The following BMAL2 variants were observed in gnomAD, a reference collection of about 807,000 sequenced individuals.
BMAL2 encodes basic helix-loop-helix ARNT like 2.
the BMAL2 span, among the ~76,000 whole-genome samples, chr12:27,362,652 A>G: frequency 1.3e-5 from 2 of 152,190 alleles, no homozygotes; most frequent in Non-Finnish European, 2.9e-5. Flanking sequence ...ATATCTCTAT[A>G]CAAAAAAAAT....
chr12:27,338,140 T>A, the BMAL2 span, among the ~76,000 whole-genome samples: 2 of 152,204 alleles, frequency 1.3e-5, no homozygotes, highest in African/African-American at 4.8e-5. Flanking sequence ...AAGAATAGTT[T>A]GCTTAAGGTG....
the BMAL2 span, among the ~76,000 whole-genome samples, chr12:27,364,391 A>AC: frequency 6.6e-6 from 1 of 152,238 alleles, no homozygotes; most frequent in Admixed American, 6.5e-5. Context: ...CATCTTTTCC[A>AC]TAGAGAAAAC....
the BMAL2 span, among the ~76,000 whole-genome samples, chr12:27,338,854 C>T: frequency 6.6e-6 from 1 of 152,196 alleles, no homozygotes; most frequent in Admixed American, 6.5e-5. Context: ...ATTCCTGGTT[C>T]CTGCCAGATG....
the BMAL2 span, among the ~76,000 whole-genome samples, chr12:27,412,529 A>G: frequency 6.6e-6 from 1 of 152,164 alleles, no homozygotes. Flanking sequence ...AGTGATTTTA[A>G]AACATGAACA....
At chr12:27,404,618 G>A in the BMAL2 span, among the ~76,000 whole-genome samples, 19 of 152,184 alleles carry the variant, frequency 1.2e-4, no homozygotes, top group Middle Eastern at 3.4e-3. Flanking sequence ...AAAGCTTTTC[G>A]GGTGGAGCCA....
the BMAL2 span, among the ~76,000 whole-genome samples, chr12:27,395,177 G>C: frequency 6.6e-6 from 1 of 152,200 alleles, no homozygotes; most frequent in Admixed American, 6.5e-5. Context: ...ATAAATGTCG[G>C]TTAATTAAAT....
At chr12:27,340,269 G>A in the BMAL2 span, among the ~76,000 whole-genome samples, 2 of 152,046 alleles carry the variant, frequency 1.3e-5, no homozygotes, top group Admixed American at 6.6e-5. Flanking sequence ...TCTTGAGTTG[G>A]CTTTTGTATA....
the BMAL2 span, among the ~76,000 whole-genome samples, chr12:27,376,674 A>G: frequency 1.3e-5 from 2 of 152,144 alleles, no homozygotes; most frequent in Admixed American, 6.5e-5. Context: ...ACTTAAACAA[A>G]TCAGTTACTT....
chr12:27,362,316 C>G, the BMAL2 span, among the ~76,000 whole-genome samples: 1 of 152,104 alleles, frequency 6.6e-6, no homozygotes, highest in Non-Finnish European at 1.5e-5. Context: ...GGTGGTGATC[C>G]TGAACTGGTC....
At chr12:27,357,992 A>G in the BMAL2 span, among the ~76,000 whole-genome samples, 3 of 152,086 alleles carry the variant, frequency 2.0e-5, no homozygotes, top group Admixed American at 6.5e-5. Context: ...CAAATGCAAC[A>G]AAAGCAAAGA....
the BMAL2 span, chr12:27,401,330 G>T: frequency 6.2e-7 from 1 of 1,613,974 alleles, no homozygotes; most frequent in Non-Finnish European, 8.5e-7. Flanking sequence ...TCATCAAGAT[G>T]ACCACAATAA....
the BMAL2 span, chr12:27,394,470 C>T: frequency 0.024 from 3,725 of 152,074 alleles, 47 homozygotes; most frequent in Middle Eastern, 0.037. Context: ...TGTTTCTGGC[C>T]CATAGTAGAC....
chr12:27,395,562 A>G, the BMAL2 span, among the ~76,000 whole-genome samples: 2 of 147,518 alleles, frequency 1.4e-5, no homozygotes, highest in African/African-American at 4.9e-5. Context: ...TAGGTTTAAG[A>G]AAAAAAAACA....
chr12:27,369,505 G>C, the BMAL2 span, among the ~76,000 whole-genome samples: 1 of 152,178 alleles, frequency 6.6e-6, no homozygotes, highest in Admixed American at 6.5e-5. Context: ...CATTAACATG[G>C]ATGCTTCTGA....
the BMAL2 span, chr12:27,368,162 T>C: frequency 3.4e-6 from 5 of 1,450,890 alleles, no homozygotes; most frequent in African/African-American, 5.7e-5. Flanking sequence ...ATTTTTTAAA[T>C]ATCAAGATAG....
the BMAL2 span, among the ~76,000 whole-genome samples, chr12:27,347,094 TG>T: frequency 6.6e-6 from 1 of 152,184 alleles, no homozygotes; most frequent in Non-Finnish European, 1.5e-5. Context: ...ATTAGAATCA[TG>T]AGCCAAATAA....
the BMAL2 span, chr12:27,422,173 G>T: frequency 6.6e-6 from 1 of 152,032 alleles, no homozygotes; most frequent in Non-Finnish European, 1.5e-5. Context: ...TGCTTCAGTA[G>T]CTCTTCATAG....
At chr12:27,411,191 G>T in the BMAL2 span, among the ~76,000 whole-genome samples, 1 of 152,144 alleles carries the variant, frequency 6.6e-6, no homozygotes, top group Non-Finnish European at 1.5e-5. Context: ...GCAGCGGTGC[G>T]ATCATGGCTC....
the BMAL2 span, chr12:27,376,471 A>G: frequency 8.3e-7 from 1 of 1,204,142 alleles, no homozygotes; most frequent in Admixed American, 1.9e-5. Flanking sequence ...AGGTGACACC[A>G]AGGTAGAAGG....
Sources: gnomAD v4.1 joint callset for allele counts (sites outside exome capture counted in the v4.1 genomes callset) on GRCh38, gnomAD v4.1.1 for gene constraint, MANE v1.5 for transcripts, NCBI Gene and HGNC (gene_info 2026-07-23, HGNC 2026-07-21) for gene names.